Variants in MIER1 observed in about 807,000 individuals in gnomAD.
MIER1 encodes mesoderm induction early response protein 1.
MIER1 carries 40 observed loss-of-function variants against 75.7 expected under a neutral mutation model. The ratio of observed to expected loss-of-function variants is 0.53; its 90% CI spans 0.41 to 0.69. The LOEUF is 0.69. Among genes scored for constraint, MIER1 ranks in the 30% least tolerant of loss-of-function variants. The probability of loss-of-function intolerance (pLI) is 0.00; values close to 1 mark genes in which losing one functional copy is unlikely to be tolerated. For missense variants in MIER1, 574 were observed against 680.2 expected (o/e 0.84, Z 1.74); for synonymous variants, 213 against 223.4 (o/e 0.95, Z 0.42).
intron 2 of MIER1, chr1:66,929,016 T>G: frequency 9.3e-7 from 1 of 1,074,332 alleles, no homozygotes; most frequent in Non-Finnish European, 1.4e-6. Flanking sequence ...TGCAGTTTAT[T>G]CATGCACAGA....
chr1:66,960,485 G>T (rs1370774584), intron 7 of MIER1, among the ~76,000 whole-genome samples: 1 of 152,082 alleles, frequency 6.6e-6, no homozygotes, highest in African/African-American at 2.4e-5. Flanking sequence ...TATTGTAAAA[G>T]AACTGAGCTC....
At chr1:66,938,580 G>A (rs1314221186) in intron 2 of MIER1, among the ~76,000 whole-genome samples, 1 of 152,158 alleles carries the variant, frequency 6.6e-6, no homozygotes, top group Non-Finnish European at 1.5e-5. Flanking sequence ...GAAATGTGTA[G>A]CTCTGCCCAA....
chr1:66,966,035 A>G (rs1662314953), intron 8 of MIER1, among the ~76,000 whole-genome samples: 1 of 151,736 alleles, frequency 6.6e-6, no homozygotes, highest in South Asian at 2.1e-4. Flanking sequence ...GTGTATAAGT[A>G]CCACATTTTT....
intron 11 of MIER1, among the ~76,000 whole-genome samples, chr1:66,975,310 T>G (rs113260970): frequency 6.6e-5 from 10 of 152,156 alleles, no homozygotes; most frequent in African/African-American, 2.4e-4. Flanking sequence ...GCAGATTGCT[T>G]GAGCCTGGGA....
intron 3 of MIER1, among the ~76,000 whole-genome samples, chr1:66,945,809 C>T (rs188979966): frequency 7.0e-4 from 106 of 152,214 alleles, no homozygotes; most frequent in South Asian, 6.2e-3. Context: ...CAGTGAGCTG[C>T]ACCCCAGCCT....
At chr1:66,978,196 CAAAA>C (rs536021584) in intron 12 of MIER1, among the ~76,000 whole-genome samples, 2 of 91,384 alleles carry the variant, frequency 2.2e-5, no homozygotes, top group Admixed American at 1.1e-4. Flanking sequence ...ACTCCATCTC[CAAAA>C]AAAAAAAAAA....
intron 13 of MIER1, among the ~76,000 whole-genome samples, chr1:66,984,162 G>GT (rs1666444374): frequency 6.6e-6 from 1 of 152,202 alleles, no homozygotes; most frequent in South Asian, 2.1e-4. Context: ...GTTTTAGAAT[G>GT]TTGAAAACCT....
At chr1:66,933,349 A>G (rs1464176539) in intron 2 of MIER1, among the ~76,000 whole-genome samples, 1 of 152,194 alleles carries the variant, frequency 6.6e-6, no homozygotes, top group Non-Finnish European at 1.5e-5. Context: ...CTTTCTTCTC[A>G]AGGAAAAAAA....
chr1:66,985,873 T>C lies in MIER1; in HGVS notation c.*973T>C. Reference sequence around the variant, plus strand: ...TTAAGGGCAAGTAATTTGAGAATTCTGAAATTAAGCATGATGCTTAGATTG... The same window carrying C: ...TTAAGGGCAAGTAATTTGAGAATTCCGAAATTAAGCATGATGCTTAGATTG... On this transcript the variant is annotated 3_prime_UTR_variant, in exon 14 of 14. Coordinates refer to ENST00000401041, the MANE Select transcript of MIER1 (RefSeq NM_001077700.3). 10 of 915,600 alleles carry C rather than the reference T, an allele frequency of 1.1e-5. No individual in the cohort carries two copies. Among genetic ancestry groups the C allele is most frequent in the Non-Finnish European group, 1.2e-5 (9 of 767,230 alleles). The allele number at this position is 915,600 out of a possible 1,614,324, so 56.7% of individuals were successfully genotyped here.
intron 3 of MIER1, among the ~76,000 whole-genome samples, chr1:66,943,996 T>A (rs563238261): frequency 2.6e-4 from 40 of 152,242 alleles, no homozygotes; most frequent in African/African-American, 7.5e-4. Context: ...TTTTATTTTT[T>A]TTTTTTCCTC....
intron 4 of MIER1, among the ~76,000 whole-genome samples, chr1:66,955,421 C>T (rs2101653465): frequency 7.3e-6 from 1 of 137,712 alleles, no homozygotes; most frequent in Non-Finnish European, 1.5e-5. Flanking sequence ...TTGGGTGAGG[C>T]TCAGCAGCCC....
intron 3 of MIER1, among the ~76,000 whole-genome samples, chr1:66,941,086 A>G (rs989368736): frequency 6.6e-6 from 1 of 152,240 alleles, no homozygotes; most frequent in Non-Finnish European, 1.5e-5. Flanking sequence ...GCTTTTAAAA[A>G]TGCTTAACAT....
intron 4 of MIER1, among the ~76,000 whole-genome samples, chr1:66,951,667 C>T (rs1038328454): frequency 2.0e-5 from 3 of 151,964 alleles, no homozygotes; most frequent in African/African-American, 7.3e-5. Context: ...GCATCCTTAA[C>T]TTCCTGCGTT....
chr1:66,976,465 G>C, intron 11 of MIER1, 130 bp from the exon 12 acceptor site: 2 of 704,934 alleles, frequency 2.8e-6, no homozygotes, highest in Non-Finnish European at 4.5e-6. Flanking sequence ...CTGCTACACT[G>C]TTGTATGTTA....
At position 66,986,149 on chromosome 1, in the gene MIER1, A is replaced by G. The variant is rs1666753376; in HGVS notation, c.*1249A>G. On this transcript the variant is annotated 3_prime_UTR_variant, in exon 14 of 14. Coordinates refer to ENST00000401041, the MANE Select transcript of MIER1 (RefSeq NM_001077700.3). ...TTATGAAGAGAAAGTGAAGTTTGAA[A>G]ACTTTTCAAACTTTTCTAGTTACAA... is the stretch of plus-strand genomic sequence containing the variant. 2 of 1,173,400 alleles carry G rather than the reference A, an allele frequency of 1.7e-6. No individual in the cohort carries two copies. Among genetic ancestry groups the G allele is most frequent in the Non-Finnish European group, 2.1e-6 (2 of 951,296 alleles). 72.7% of individuals were successfully genotyped at this position (1,173,400 alleles called of 1,614,324 possible). A position where few individuals can be genotyped will look rare whatever the true frequency, so the allele number is the denominator to read the frequency against.
chr1:66,953,585 A>G (rs1056028322), intron 4 of MIER1, among the ~76,000 whole-genome samples: 5 of 141,580 alleles, frequency 3.5e-5, no homozygotes, highest in Non-Finnish European at 7.7e-5. Flanking sequence ...GTAAGTAAGC[A>G]TTTTCTTTTC....
At chr1:66,925,502 C>T in intron 1 of MIER1, 19 of 985,468 alleles carry the variant, frequency 1.9e-5, no homozygotes, top group Non-Finnish European at 2.3e-5. Context: ...GTCCCATCCC[C>T]GGGAGGCTCT....
At chr1:66,942,447 G>C (rs1656464053) in intron 3 of MIER1, among the ~76,000 whole-genome samples, 1 of 152,186 alleles carries the variant, frequency 6.6e-6, no homozygotes, top group Admixed American at 6.5e-5. Context: ...GATACAAACT[G>C]AATTTACCTT....
intron 8 of MIER1, among the ~76,000 whole-genome samples, chr1:66,964,509 A>G (rs899995917): frequency 2.0e-5 from 3 of 147,140 alleles, no homozygotes; most frequent in Non-Finnish European, 3.0e-5. Context: ...CTGGAGTGCA[A>G]TGGCTCAATC....
Sources: allele counts gnomAD v4.1 joint callset (sites outside exome capture counted in the v4.1 genomes callset), GRCh38; gene constraint gnomAD v4.1.1; transcripts MANE v1.5; gene names NCBI Gene and HGNC (gene_info 2026-07-23, HGNC 2026-07-21).